The following FGGY variants were observed in gnomAD, a reference collection of about 807,000 sequenced individuals.
FGGY encodes the protein FGGY carbohydrate kinase domain containing, also known as FGGY carbohydrate kinase domain-containing protein.
FGGY carries 72 observed loss-of-function variants against 71.3 expected under a neutral mutation model. The observed-to-expected ratio is 1.01, with a 90% CI of 0.84 to 1.23. FGGY has a LOEUF of 1.23. Among genes scored for constraint, FGGY ranks in the 50% most tolerant of loss-of-function variants. The probability of loss-of-function intolerance (pLI) is 0.00; values close to 1 mark genes in which losing one functional copy is unlikely to be tolerated. For missense variants in FGGY, 668 were observed against 682.3 expected, an observed-to-expected ratio of 0.98 and a Z score of 0.23; for synonymous variants, 251 against 250.3, an observed-to-expected ratio of 1.00 and a Z score of -0.02.
At chr1:59,698,749 A>C (rs189714808) in intron 14 of FGGY, 1 of 985,362 alleles carries the variant, frequency 1.0e-6, no homozygotes, top group African/African-American at 1.7e-5. Context: ...TTTCCATTTC[A>C]TCTTTCTGCT....
At chr1:59,357,294 G>T (rs2054515933) in intron 4 of FGGY, among the ~76,000 whole-genome samples, 1 of 150,442 alleles carries the variant, frequency 6.6e-6, no homozygotes, top group Admixed American at 6.6e-5. Context: ...AAGAAAAAAA[G>T]TTGTTGGCCA....
rs1164574037 is a variant in FGGY, at chr1:59,485,475, A to T, written c.671-26836A>T. ...ACTTTGGATAAGGGGGACAGACGCC[A>T]TACTCCAGGGATGGCAGAACAGTGA... is the stretch of plus-strand genomic sequence containing the variant. On this transcript the variant is annotated intron_variant, in intron 6 of 15. Coordinates refer to ENST00000303721, the MANE Select transcript of FGGY (RefSeq NM_018291.5). Among the ~76,000 whole-genome samples, 3 of 152,212 alleles carry T rather than the reference A, an allele frequency of 2.0e-5. No homozygotes were observed. In the East Asian group the frequency reaches 5.8e-4, roughly 29 times the overall value.
At chr1:59,374,375 A>G (rs1439141457) in intron 4 of FGGY, among the ~76,000 whole-genome samples, 2 of 152,232 alleles carry the variant, frequency 1.3e-5, no homozygotes, top group East Asian at 1.9e-4. Context: ...CACCAGTTAG[A>G]ATGGTGATCT....
At chr1:59,407,200 G>A (rs1304440307) in intron 5 of FGGY, among the ~76,000 whole-genome samples, 1 of 152,188 alleles carries the variant, frequency 6.6e-6, no homozygotes, top group East Asian at 1.9e-4. Context: ...CTTTAGCCCT[G>A]CCTTCTTCCT....
intron 11 of FGGY, among the ~76,000 whole-genome samples, chr1:59,643,434 G>A (rs995022128): frequency 1.8e-4 from 28 of 152,112 alleles, no homozygotes; most frequent in African/African-American, 1.2e-4. Flanking sequence ...GCCTCAAGCC[G>A]TCTTCCCACT....
At chr1:59,454,801 T>C (rs1403558902) in intron 5 of FGGY, among the ~76,000 whole-genome samples, 1 of 152,250 alleles carries the variant, frequency 6.6e-6, no homozygotes, top group Non-Finnish European at 1.5e-5. Flanking sequence ...CTTCTGTGAC[T>C]GCAAAAGACT....
At chr1:59,743,239 C>G (rs972438248) in intron 14 of FGGY, among the ~76,000 whole-genome samples, 4 of 152,156 alleles carry the variant, frequency 2.6e-5, no homozygotes, top group African/African-American at 9.7e-5. Context: ...TCCTCATCAA[C>G]TTTCTTTACC....
chr1:59,604,853 C>G (rs113737858), intron 8 of FGGY, among the ~76,000 whole-genome samples: 1 of 152,134 alleles, frequency 6.6e-6, no homozygotes, highest in Non-Finnish European at 1.5e-5. Flanking sequence ...TGTGCAAACC[C>G]TGGGTCCTAA....
intron 5 of FGGY, among the ~76,000 whole-genome samples, chr1:59,391,728 G>T (rs548872210): frequency 6.6e-6 from 1 of 152,248 alleles, no homozygotes; most frequent in Admixed American, 6.5e-5. Flanking sequence ...ATTTTATGTG[G>T]CTGAAAGATG....
chr1:59,555,970 C>T (rs2095679143), intron 8 of FGGY, among the ~76,000 whole-genome samples: 1 of 152,168 alleles, frequency 6.6e-6, no homozygotes, highest in Non-Finnish European at 1.5e-5. Context: ...CATTGCACTC[C>T]AGCCTGGGCA....
Position 59,607,889 on chromosome 1 carries a change from T to C in FGGY, c.990T>C (p.Gly330=). 2 of 1,614,024 alleles carry C rather than the reference T, an allele frequency of 1.2e-6. No individual in the cohort carries two copies. Among genetic ancestry groups the C allele is most frequent in the Non-Finnish European group, 1.7e-6 (2 of 1,179,898 alleles). Residue 330 remains glycine (G), a synonymous_variant, in exon 9 of 16, where the codon GGT becomes GGC. Coordinates refer to ENST00000303721, the MANE Select transcript of FGGY (RefSeq NM_018291.5). ...MVPGFWLNEG[G]QSVTGKLIDH... is the part of the protein sequence containing the mutation. ...CTGGGTTCTGGCTGAATGAAGGTGG[T>C]CAGAGCGTTACTGGAAAATTGGTAA...
At chr1:59,434,331 G>T (rs749635050) in intron 5 of FGGY, among the ~76,000 whole-genome samples, 1 of 152,242 alleles carries the variant, frequency 6.6e-6, no homozygotes, top group Non-Finnish European at 1.5e-5. Context: ...ACCAGTGGGG[G>T]CTGGAGGGAG....
At chr1:59,743,121 T>C (rs1357370346) in intron 14 of FGGY, among the ~76,000 whole-genome samples, 1 of 152,188 alleles carries the variant, frequency 6.6e-6, no homozygotes, top group Non-Finnish European at 1.5e-5. Flanking sequence ...TCCTATATGC[T>C]TTCCCTTCAT....
chr1:59,341,502 T>C lies in FGGY; in HGVS notation c.313+1433T>C, dbSNP rs561453316. 3.9e-5 allele frequency among the ~76,000 whole-genome samples: 6 copies of C among 152,358 alleles called. No homozygotes were observed. In the South Asian group the frequency reaches 1.2e-3, roughly 32 times the overall value. ...AGCACAGTGGTAATGATGACCATTT[T>C]CTGCACAGACACACACACTTTTTTC... On this transcript the variant is annotated intron_variant, in intron 3 of 15. Transcript: ENST00000303721.
At chr1:59,561,986 C>T (rs896504359) in intron 8 of FGGY, among the ~76,000 whole-genome samples, 6 of 131,496 alleles carry the variant, frequency 4.6e-5, no homozygotes, top group African/African-American at 1.9e-4. Context: ...AGATTCTCTA[C>T]TACTCCTACT....
intron 14 of FGGY, among the ~76,000 whole-genome samples, chr1:59,719,634 G>A (rs895122089): frequency 2.6e-5 from 4 of 152,098 alleles, no homozygotes; most frequent in Admixed American, 1.3e-4. Context: ...AACATTTATC[G>A]AGAGCCTGCA....
intron 5 of FGGY, among the ~76,000 whole-genome samples, chr1:59,418,950 A>G (rs896499390): frequency 1.3e-5 from 2 of 152,184 alleles, no homozygotes; most frequent in African/African-American, 4.8e-5. Context: ...TAGGGACAAT[A>G]CATAGAAAAG....
At chr1:59,617,026 C>T (rs1056575353) in intron 9 of FGGY, among the ~76,000 whole-genome samples, 1 of 152,104 alleles carries the variant, frequency 6.6e-6, no homozygotes, top group Non-Finnish European at 1.5e-5. Context: ...AAATTCCAAT[C>T]TCTGGTTTTA....
At chr1:59,460,676 C>G (rs1051565856) in intron 6 of FGGY, among the ~76,000 whole-genome samples, 4 of 152,212 alleles carry the variant, frequency 2.6e-5, no homozygotes, top group African/African-American at 9.6e-5. Flanking sequence ...TCTCATACAG[C>G]TGGGTGCCCC....
Sources: allele counts gnomAD v4.1 joint callset (sites outside exome capture counted in the v4.1 genomes callset), GRCh38; gene constraint gnomAD v4.1.1; transcripts MANE v1.5; gene names NCBI Gene and HGNC (gene_info 2026-07-23, HGNC 2026-07-21).